Variants in SLC4A7 observed in about 807,000 individuals in gnomAD.
The protein encoded by SLC4A7 is sodium bicarbonate cotransporter 3.
SLC4A7 carries 51 observed loss-of-function variants against 137.6 expected under a neutral mutation model. The ratio of observed to expected loss-of-function variants is 0.37; its 90% confidence interval spans 0.30 to 0.47. The LOEUF (loss-of-function observed/expected upper bound fraction) is 0.47. Among genes scored for constraint, SLC4A7 ranks in the 20% least tolerant of loss-of-function variants. The pLI is 1.00. For missense variants in SLC4A7, 1,247 were observed against 1,525.4 expected, an observed-to-expected ratio of 0.82 and a Z score of 3.04; for synonymous variants, 542 against 518.6, an observed-to-expected ratio of 1.05 and a Z score of -0.61.
rs1559638664 is a variant in SLC4A7 at position 27,390,112 on chromosome 3, TAG to T, written c.3187-10_3187-9del. 4 of 1,539,500 alleles carry T rather than the reference TAG, an allele frequency of 2.6e-6. No individual in the cohort carries two copies. The highest frequency in any genetic ancestry group is 3.6e-6 in the Non-Finnish European group (4 of 1,126,426). On this transcript the variant is annotated splice_polypyrimidine_tract_variant and intron_variant, in intron 21 of 25. Coordinates refer to ENST00000454389, the MANE Select transcript of SLC4A7 (RefSeq NM_001321103.2). Reference sequence around the variant, plus strand: ...TTTTATACGGTCAAATAACTACATATAGAATAAAAAACAAAGAAGTTTTCAAT... The same window carrying T: ...TTTTATACGGTCAAATAACTACATATAATAAAAAACAAAGAAGTTTTCAAT...
At chr3:27,447,031 C>T (rs1416611192) in intron 3 of SLC4A7, among the ~76,000 whole-genome samples, 1 of 150,852 alleles carries the variant, frequency 6.6e-6, no homozygotes, top group Non-Finnish European at 1.5e-5. Context: ...TACAGGTGCC[C>T]ATCACCACAG....
intron 3 of SLC4A7, among the ~76,000 whole-genome samples, chr3:27,439,436 T>C (rs1303012857): frequency 6.6e-6 from 1 of 152,212 alleles, no homozygotes; most frequent in Admixed American, 6.5e-5. Flanking sequence ...AACTTCCTAC[T>C]GTATTAAACT....
chr3:27,384,149 C>T (rs1404763219), intron 23 of SLC4A7, among the ~76,000 whole-genome samples: 1 of 152,060 alleles, frequency 6.6e-6, no homozygotes, highest in African/African-American at 2.4e-5. Context: ...TTTGAGGTGT[C>T]AATTTGCCTA....
chr3:27,409,427 G>A lies in SLC4A7; in HGVS notation c.1870C>T (p.Leu624=). 4 of 1,613,904 alleles carry A rather than the reference G, an allele frequency of 2.5e-6. No homozygotes were observed. Among genetic ancestry groups the A allele is most frequent in the Non-Finnish European group, 3.4e-6 (4 of 1,179,862 alleles). ...ACAGGAGACATACAGGCACAGTATA[G>A]GAAAAGAATCGAGGCCAGGCACTGC... ...SLQCLASILF[L]YCACMSPVIT... is the part of the protein sequence containing the mutation. Residue 624 remains leucine (L), a synonymous_variant, in exon 13 of 26, where the codon CTA becomes TTA. Transcript: ENST00000454389.
intron 3 of SLC4A7, among the ~76,000 whole-genome samples, chr3:27,445,963 A>AATATATATATATATATTTATAT (rs2057588602): frequency 2.7e-5 from 1 of 37,500 alleles, no homozygotes; most frequent in African/African-American, 1.1e-4. Context: ...AAAAAAAAAA[A>AATATATATATATATATTTATAT]ATATATATAT....
intron 10 of SLC4A7, among the ~76,000 whole-genome samples, chr3:27,420,464 T>A (rs1009217011): frequency 3.0e-4 from 45 of 151,960 alleles, no homozygotes; most frequent in African/African-American, 1.0e-3. Flanking sequence ...AGGTAGTCAA[T>A]AATTACAAAT....
chr3:27,454,461 G>A (rs796220480), intron 1 of SLC4A7, among the ~76,000 whole-genome samples: 41 of 152,230 alleles, frequency 2.7e-4, no homozygotes, highest in African/African-American at 9.4e-4. Context: ...GCGAGACTCC[G>A]TCTCAAGAAA....
chr3:27,380,024 G>A lies in SLC4A7; in HGVS notation c.3591-668C>T, dbSNP rs189389990. Among the ~76,000 whole-genome samples the A allele has an allele frequency of 4.5e-3, 689 of 152,276 alleles. 7 individuals are homozygous for A. The highest frequency in any genetic ancestry group is 0.016 in the African/African-American group (666 of 41,560). The stretch of plus-strand genomic sequence containing the variant: ...AGTTTATCAAAATTAAAAGAACAGA[G>A]TAGGCCGGGCATGGTGGCTCACGCC... On this transcript the variant is annotated intron_variant, in intron 24 of 25. Transcript: ENST00000454389.
chr3:27,379,745 G>A (rs942299078), intron 24 of SLC4A7, among the ~76,000 whole-genome samples: 4 of 151,964 alleles, frequency 2.6e-5, no homozygotes, highest in South Asian at 4.1e-4. Flanking sequence ...ACTAGAAAAC[G>A]GTTATAATTG....
At chr3:27,436,893 G>C (rs1409891784) in intron 4 of SLC4A7, among the ~76,000 whole-genome samples, 1 of 151,864 alleles carries the variant, frequency 6.6e-6, no homozygotes, top group African/African-American at 2.4e-5. Context: ...AAAGTATAAA[G>C]GATTATTTAA....
At chr3:27,416,232 C>T (rs1483775461) in intron 11 of SLC4A7, among the ~76,000 whole-genome samples, 1 of 152,142 alleles carries the variant, frequency 6.6e-6, no homozygotes, top group Non-Finnish European at 1.5e-5. Context: ...CAGCATTTTA[C>T]GCATGTTAAC....
At chr3:27,466,251 A>G (rs1408618844) in intron 1 of SLC4A7, among the ~76,000 whole-genome samples, 1 of 151,686 alleles carries the variant, frequency 6.6e-6, no homozygotes, top group Non-Finnish European at 1.5e-5. Flanking sequence ...GGAGATCGAG[A>G]CCATCCTGGC....
At chr3:27,481,558 G>A in intron 1 of SLC4A7, among the ~76,000 whole-genome samples, 1 of 152,160 alleles carries the variant, frequency 6.6e-6, no homozygotes, top group East Asian at 1.9e-4. Flanking sequence ...CCAAAACTGG[G>A]TGAGCGAAGA....
chr3:27,406,847 G>C (rs541139353), intron 13 of SLC4A7, among the ~76,000 whole-genome samples: 3 of 152,188 alleles, frequency 2.0e-5, no homozygotes, highest in African/African-American at 7.2e-5. Flanking sequence ...GGGAAGTCCA[G>C]TGAGGTCAAA....
chr3:27,387,472 A>AC (rs992424171), intron 22 of SLC4A7, among the ~76,000 whole-genome samples: 1 of 151,792 alleles, frequency 6.6e-6, no homozygotes, highest in Non-Finnish European at 1.5e-5. Context: ...CAATGACACC[A>AC]CCCCCCACCC....
chr3:27,484,241 G>T lies in SLC4A7; in HGVS notation c.-115C>A, dbSNP rs571246386. The stretch of plus-strand genomic sequence containing the variant: ...CCCCGGCGCGCGAGGACAAACGTGG[G>T]TGCGTCCGTGCGCGAGGTGTGCGCG... On this transcript the variant is annotated 5_prime_UTR_variant, in exon 1 of 26. Coordinates refer to ENST00000454389, the MANE Select transcript of SLC4A7 (RefSeq NM_001321103.2). 294 of 838,396 alleles carry T rather than the reference G, an allele frequency of 3.5e-4. 3 individuals carry two copies. In the African/African-American group the frequency reaches 4.6e-3, roughly 13 times the overall value. The allele number at this position is 838,396 out of a possible 1,614,324, so 51.9% of individuals were successfully genotyped here.
rs767195631 is a variant in SLC4A7 at position 27,413,998 on chromosome 3, G to A, written c.1660-2250C>T. Among the ~76,000 whole-genome samples, 10 of 152,252 alleles carry A rather than the reference G, an allele frequency of 6.6e-5. No homozygotes were observed. The East Asian group carries it at 1.9e-3, about 29-fold the overall frequency. The stretch of plus-strand genomic sequence containing the variant: ...AGCAGGATTAAAAATACACAGTTGA[G>A]GCCAGGCGTGGTGGCTCACACTTGT... On this transcript the variant is annotated intron_variant, in intron 11 of 25. Coordinates refer to ENST00000454389, the MANE Select transcript of SLC4A7 (RefSeq NM_001321103.2).
At chr3:27,413,581 T>A (rs1052027416) in intron 11 of SLC4A7, among the ~76,000 whole-genome samples, 2 of 152,174 alleles carry the variant, frequency 1.3e-5, no homozygotes, top group Non-Finnish European at 2.9e-5. Flanking sequence ...TTCATATGAT[T>A]TACCATAATA....
intron 22 of SLC4A7, among the ~76,000 whole-genome samples, chr3:27,388,619 A>C (rs891522991): frequency 2.6e-5 from 4 of 152,170 alleles, no homozygotes; most frequent in African/African-American, 9.6e-5. Context: ...GAGGTCAGCA[A>C]ACCATAGCAC....
Sources: allele counts gnomAD v4.1 joint callset (sites outside exome capture counted in the v4.1 genomes callset), GRCh38; gene constraint gnomAD v4.1.1; transcripts MANE v1.5; gene names NCBI Gene and HGNC (gene_info 2026-07-23, HGNC 2026-07-21).